Variants in KIAA0825 observed in about 807,000 individuals in gnomAD.
The protein encoded by KIAA0825 is KIAA0825.
Under a neutral mutation model 147.6 loss-of-function variants are expected in KIAA0825, and 119 were observed. The ratio of observed to expected loss-of-function variants is 0.81; its 90% CI spans 0.69 to 0.94. The LOEUF (loss-of-function observed/expected upper bound fraction) is 0.94, where lower values mean the gene tolerates loss of function less well. Ranked by LOEUF, KIAA0825 falls within the 40% of genes least tolerant of loss-of-function variation. The pLI is 0.00. For missense variants in KIAA0825, 1,381 were observed against 1,472.7 expected (o/e 0.94, Z 1.02); for synonymous variants, 470 against 518.1 (o/e 0.91, Z 1.26).
At chr5:94,488,427 AG>A (rs1426559647) in intron 5 of KIAA0825, among the ~76,000 whole-genome samples, 1 of 152,176 alleles carries the variant, frequency 6.6e-6, no homozygotes, top group African/African-American at 2.4e-5. Flanking sequence ...GGAAATACAC[AG>A]TTCTCCTAAA....
At chr5:94,303,991 T>C (rs868693059) in intron 20 of KIAA0825, among the ~76,000 whole-genome samples, 1 of 152,232 alleles carries the variant, frequency 6.6e-6, no homozygotes. Context: ...CTGCATTCAA[T>C]ATTAGATCAT....
chr5:94,357,035 A>C (rs1467443506), intron 20 of KIAA0825, among the ~76,000 whole-genome samples: 1 of 152,158 alleles, frequency 6.6e-6, no homozygotes, highest in East Asian at 1.9e-4. Flanking sequence ...GATGTACCAA[A>C]TTTTAAAAAA....
intron 14 of KIAA0825, among the ~76,000 whole-genome samples, chr5:94,423,034 T>C (rs1488355870): frequency 6.6e-6 from 1 of 152,214 alleles, no homozygotes; most frequent in Admixed American, 6.5e-5. Context: ...GGCTTTTCTC[T>C]TCTGGGATTT....
At chr5:94,466,206 A>C (rs985707715) in intron 10 of KIAA0825, among the ~76,000 whole-genome samples, 2 of 151,980 alleles carry the variant, frequency 1.3e-5, no homozygotes, top group African/African-American at 4.8e-5. Context: ...TATTTTCTTT[A>C]TGTATTACTC....
intron 2 of KIAA0825, among the ~76,000 whole-genome samples, chr5:94,537,705 A>T (rs1446214583): frequency 6.6e-6 from 1 of 151,852 alleles, no homozygotes; most frequent in Non-Finnish European, 1.5e-5. Flanking sequence ...GAGACTACTT[A>T]AGCATCCTGC....
chr5:94,159,346 G>T (rs1162208809), intron 20 of KIAA0825, among the ~76,000 whole-genome samples: 1 of 152,042 alleles, frequency 6.6e-6, no homozygotes, highest in Non-Finnish European at 1.5e-5. Context: ...TGCAACATAG[G>T]GGGTGCTAGT....
intron 14 of KIAA0825, among the ~76,000 whole-genome samples, chr5:94,435,932 A>T (rs1375154274): frequency 2.0e-5 from 3 of 152,040 alleles, no homozygotes. Flanking sequence ...TCTTTTGAGA[A>T]GTGTCTGTTC....
At chr5:94,166,836 T>C (rs1187375937) in intron 20 of KIAA0825, among the ~76,000 whole-genome samples, 3 of 152,094 alleles carry the variant, frequency 2.0e-5, no homozygotes, top group Non-Finnish European at 4.4e-5. Flanking sequence ...AGTATAACTT[T>C]TTTTGAGTAA....
intron 20 of KIAA0825, among the ~76,000 whole-genome samples, chr5:94,168,116 C>T: frequency 6.6e-6 from 1 of 151,190 alleles, no homozygotes; most frequent in Non-Finnish European, 1.5e-5. Flanking sequence ...CATAGAAATA[C>T]ATATAATTAT....
rs529694171 is a variant in KIAA0825, at chr5:94,519,247, C to T, written c.970+1001G>A. 47 of 886,148 alleles carry T rather than the reference C, an allele frequency of 5.3e-5. 1 individual carries two copies. In the African/African-American group the frequency reaches 5.6e-4, roughly 11 times the overall value. The allele number at this position is 886,148 out of a possible 1,614,324, so 54.9% of individuals were successfully genotyped here. On this transcript the variant is annotated intron_variant, in intron 5 of 20. Transcript: ENST00000682413. ...AACTGAAATTTTATTAATGAAGATA[C>T]GCACAAGTATAGTGAGCTATAGGAA... is the stretch of plus-strand genomic sequence containing the variant.
intron 12 of KIAA0825, among the ~76,000 whole-genome samples, chr5:94,459,367 T>C (rs937445994): frequency 1.3e-5 from 2 of 152,172 alleles, no homozygotes; most frequent in South Asian, 4.1e-4. Context: ...TATGACCATA[T>C]GCTCAACATT....
At chr5:94,484,164 C>T (rs1413016881) in intron 6 of KIAA0825, among the ~76,000 whole-genome samples, 5 of 151,556 alleles carry the variant, frequency 3.3e-5, no homozygotes, top group African/African-American at 1.2e-4. Context: ...AAACTAAAAA[C>T]AACATATTCC....
At chr5:94,303,050 AAC>A (rs1434116335) in intron 20 of KIAA0825, among the ~76,000 whole-genome samples, 1 of 152,044 alleles carries the variant, frequency 6.6e-6, no homozygotes, top group Non-Finnish European at 1.5e-5. Flanking sequence ...AAGTCCAACC[AAC>A]ACACAATTGC....
At chr5:94,315,030 T>C (rs1393401660) in intron 20 of KIAA0825, among the ~76,000 whole-genome samples, 2 of 151,628 alleles carry the variant, frequency 1.3e-5, no homozygotes, top group African/African-American at 4.8e-5. Flanking sequence ...TAACAGGCAA[T>C]AGCTAGGGAT....
intron 7 of KIAA0825, among the ~76,000 whole-genome samples, chr5:94,475,606 G>A (rs532514202): frequency 1.3e-5 from 2 of 152,178 alleles, no homozygotes; most frequent in East Asian, 1.9e-4. Flanking sequence ...TCAGGAGTTC[G>A]AGACCAGCCT....
At chr5:94,426,516 G>A (rs1194093248) in intron 14 of KIAA0825, among the ~76,000 whole-genome samples, 9 of 152,110 alleles carry the variant, frequency 5.9e-5, no homozygotes, top group African/African-American at 2.2e-4. Flanking sequence ...ATCTATTGGA[G>A]GTAAAGAATA....
At chr5:94,245,695 C>CA (rs1168972295) in intron 20 of KIAA0825, among the ~76,000 whole-genome samples, 1 of 152,030 alleles carries the variant, frequency 6.6e-6, no homozygotes, top group Non-Finnish European at 1.5e-5. Context: ...GAGCATGATA[C>CA]AAAGACAGGA....
At chr5:94,177,863 G>C (rs1025497283) in intron 20 of KIAA0825, among the ~76,000 whole-genome samples, 6 of 152,018 alleles carry the variant, frequency 3.9e-5, no homozygotes, top group African/African-American at 1.4e-4. Context: ...AGGCATAAGG[G>C]ATAAGACAGT....
intron 13 of KIAA0825, among the ~76,000 whole-genome samples, chr5:94,444,149 T>G (rs1179505341): frequency 2.6e-5 from 4 of 152,048 alleles, no homozygotes; most frequent in Non-Finnish European, 5.9e-5. Context: ...CTTGGCAAAT[T>G]TGTGCTTTCT....
Sources: allele counts gnomAD v4.1 joint callset (sites outside exome capture counted in the v4.1 genomes callset), GRCh38; gene constraint gnomAD v4.1.1; transcripts MANE v1.5; gene names NCBI Gene and HGNC (gene_info 2026-07-23, HGNC 2026-07-21).